AHNAK2: variants seen among roughly 807,000 people sequenced by gnomAD.
The protein encoded by AHNAK2 is protein AHNAK2.
A neutral mutation model predicts 30.7 loss-of-function variants in AHNAK2; 18 were observed. The observed-to-expected ratio is 0.59, with a 90% confidence interval of 0.41 to 0.87. The LOEUF is 0.87. Ranked by LOEUF, AHNAK2 falls within the 40% of genes least tolerant of loss-of-function variation. The probability of loss-of-function intolerance (pLI) is 0.00; values close to 1 mark genes in which losing one functional copy is unlikely to be tolerated. For synonymous variants in AHNAK2, 3,590 were observed against 3,073.8 expected, an observed-to-expected ratio of 1.17 and a Z score of -5.56; for missense variants, 8,604 against 7,373.0, an observed-to-expected ratio of 1.17 and a Z score of -6.11.
Position 104,957,425 on chromosome 14 carries a change from G to A in AHNAK2, c.198C>T (p.Ala66=), listed in dbSNP as rs370402039. Residue 66 remains alanine, a synonymous_variant, in exon 3 of 7, where the codon GCC becomes GCT. Coordinates refer to ENST00000333244, the MANE Select transcript of AHNAK2 (RefSeq NM_138420.4). ...GCAGGCTCACCTGGAGTCCAAAGTC[G>A]GCAGCCTCAGTCGTGTATTCGTAGA... ...SPVYEYTTEA[A]DFGLQEDAPG... The A allele has an allele frequency of 3.3e-5, 53 of 1,587,972 alleles. No homozygotes were observed. Among genetic ancestry groups the A allele is most frequent in the African/African-American group, 4.0e-5 (3 of 74,492 alleles).
At chr14:104,967,355 G>T (rs1899334260) in intron 1 of AHNAK2, among the ~76,000 whole-genome samples, 1 of 152,248 alleles carries the variant, frequency 6.6e-6, no homozygotes, top group Non-Finnish European at 1.5e-5. Flanking sequence ...CTGCTGGGCT[G>T]GGGGTGGGCA....
In AHNAK2 at chr14:104,939,078, G is replaced by T; in HGVS notation, c.16373C>A (p.Pro5458His). The T allele has an allele frequency of 6.2e-7, 1 of 1,604,022 alleles. No homozygotes were observed. Among genetic ancestry groups the T allele is most frequent in the Non-Finnish European group, 8.5e-7 (1 of 1,175,236 alleles). Reference sequence around the variant, plus strand: ...ATGCACTCTGACCTTTGAAATTGGGGGAGCTTCCAAAGGCAGGTTAAGGTC... The same window carrying T: ...ATGCACTCTGACCTTTGAAATTGGGTGAGCTTCCAAAGGCAGGTTAAGGTC... ...PVDLNLPLEA[P>H]PISKVRVHIQ... The change falls in exon 7 of 7, where the codon CCC becomes CAC. Residue 5458 changes from proline (P) to histidine (H), a missense_variant. Transcript: ENST00000333244.
Position 104,944,346 on chromosome 14 carries a change from A to T in AHNAK2, c.11105T>A (p.Met3702Lys). The change falls in exon 7 of 7, where the codon ATG becomes AAG. Residue 3702 changes from methionine to lysine, a missense_variant. Physicochemically the swap from Met to Lys is moderately conservative, Grantham distance 95. Transcript: ENST00000333244. Reference protein sequence around the residue: ...SADLKVQAGQMDVKLPEGQVP... With the variant: ...SADLKVQAGQKDVKLPEGQVP... Reference sequence around the variant, plus strand: ...CTGGCCCTCCGGGAGCTTCACATCCATCTGGCCAGCCTGGACCTTCAGGTC... The same window carrying T: ...CTGGCCCTCCGGGAGCTTCACATCCTTCTGGCCAGCCTGGACCTTCAGGTC... The T allele has an allele frequency of 6.2e-7, 1 of 1,612,326 alleles. No individual in the cohort carries two copies. Among genetic ancestry groups the T allele is most frequent in the South Asian group, 1.1e-5 (1 of 91,002 alleles).
intron 1 of AHNAK2, among the ~76,000 whole-genome samples, chr14:104,976,309 G>A (rs776621779): frequency 2.0e-5 from 3 of 152,306 alleles, no homozygotes; most frequent in South Asian, 2.1e-4. Context: ...CACAAAAGCC[G>A]CCCAGGAGAT....
chr14:104,949,726 C>T lies in AHNAK2; in HGVS notation c.5725G>A (p.Val1909Met). The T allele has an allele frequency of 6.3e-7, 1 of 1,586,546 alleles. No homozygotes were observed. The highest frequency in any genetic ancestry group is 2.2e-5 in the East Asian group (1 of 44,688). ...GGCATCTTGAAACTGGGCATATCCA[C>T]CTTGGGCAAGTGCCCTTTGAGGCCG... Reference protein sequence around the residue: ...GAGLKGHLPKVDMPSFKMPKV... With the variant: ...GAGLKGHLPKMDMPSFKMPKV... Residue 1909 changes from valine (V) to methionine (M), a missense_variant, in exon 7 of 7, where the codon GTG becomes ATG. Physicochemically the swap from Val to Met is conservative, Grantham distance 21. Transcript: ENST00000333244.
Position 104,950,271 on chromosome 14 carries a change from G to T in AHNAK2, c.5180C>A (p.Pro1727Gln), listed in dbSNP as rs769425349. ...VQAGQVNVKL[P>Q]EGPLPEGAGF... Reference sequence around the variant, plus strand: ...GGCTCCCTCGGGAAGGGGGCCCTCCGGGAGTTTCACGTTCACTTGGCCAGC... The same window carrying T: ...GGCTCCCTCGGGAAGGGGGCCCTCCTGGAGTTTCACGTTCACTTGGCCAGC... Residue 1727 changes from proline to glutamine, a missense_variant, in exon 7 of 7, where the codon CCG (proline) becomes CAG (glutamine). Pro to Gln is a moderately conservative substitution (Grantham distance 76). Coordinates refer to ENST00000333244, the MANE Select transcript of AHNAK2 (RefSeq NM_138420.4). The T allele has an allele frequency of 6.3e-7, 1 of 1,584,758 alleles. No individual in the cohort carries two copies. The highest frequency in any genetic ancestry group is 8.6e-7 in the Non-Finnish European group (1 of 1,162,440).
At chr14:104,975,088 GA>G (rs1350723379) in intron 1 of AHNAK2, among the ~76,000 whole-genome samples, 1 of 152,246 alleles carries the variant, frequency 6.6e-6, no homozygotes, top group Non-Finnish European at 1.5e-5. Flanking sequence ...GCCCAGGACA[GA>G]AGAGCTTGGC....
Position 104,942,308 on chromosome 14 carries a change from C to T in AHNAK2, c.13143G>A (p.Leu4381=). 17 of 1,613,212 alleles carry T rather than the reference C, an allele frequency of 1.1e-5. No homozygotes were observed. Among genetic ancestry groups the T allele is most frequent in the East Asian group, 2.2e-5 (1 of 44,764 alleles). The stretch of plus-strand genomic sequence containing the variant: ...TGAAACTGGGCATCTGCAGCTTCGG[C>T]AGGTGCCCTTTGAGGCCGGCTCCCT... The part of the protein sequence containing the change: ...VHEGAGLKGH[L]PKLQMPSFKV... Residue 4381 remains leucine, a synonymous_variant, in exon 7 of 7, where the codon CTG becomes CTA. Transcript: ENST00000333244.
intron 1 of AHNAK2, among the ~76,000 whole-genome samples, chr14:104,962,875 T>C (rs942610465): frequency 1.3e-5 from 2 of 152,148 alleles, no homozygotes; most frequent in African/African-American, 4.8e-5. Flanking sequence ...AAATGAATCA[T>C]AGAGGGGAAT....
Position 104,945,934 on chromosome 14 carries a change from C to T in AHNAK2, c.9517G>A (p.Val3173Met), listed in dbSNP as rs377632715. The T allele has an allele frequency of 2.2e-5, 28 of 1,249,194 alleles. 3 individuals carry two copies. The African/African-American group carries it at 4.0e-4, about 18-fold the overall frequency. The allele number at this position is 1,249,194 out of a possible 1,614,324, so 77.4% of individuals were successfully genotyped here. ...GAGGGGAGGCTCAGGTCGGCCTCCA[C>T]CTTTGGCGCAGACACATCCACCAAG... ...EVLVDVSAPK[V>M]EADLSLPSMQ... The change falls in exon 7 of 7, where the codon GTG (valine) becomes ATG (methionine). Residue 3173 changes from valine to methionine, a missense_variant. Coordinates refer to ENST00000333244, the MANE Select transcript of AHNAK2 (RefSeq NM_138420.4).
intron 1 of AHNAK2, among the ~76,000 whole-genome samples, chr14:104,967,710 A>G (rs1288730788): frequency 2.0e-5 from 3 of 151,388 alleles, no homozygotes; most frequent in Non-Finnish European, 4.4e-5. Flanking sequence ...CGCAGTGGGG[A>G]CCCCTCCAGT....
Position 104,952,478 on chromosome 14 carries a change from C to G in AHNAK2, c.2973G>C (p.Val991=). ...EGDLSLADKD[V]TAKDSKFKMP... Reference sequence around the variant, plus strand: ...TTTTGAACTTGCTGTCTTTGGCAGTCACGTCCTTGTCGGCCAGGGACAGGT... The same window carrying G: ...TTTTGAACTTGCTGTCTTTGGCAGTGACGTCCTTGTCGGCCAGGGACAGGT... Residue 991 remains valine, a synonymous_variant, in exon 7 of 7, where the codon GTG becomes GTC. Coordinates refer to ENST00000333244, the MANE Select transcript of AHNAK2 (RefSeq NM_138420.4). The G allele has an allele frequency of 6.2e-7, 1 of 1,612,712 alleles. No individual in the cohort carries two copies. Among genetic ancestry groups the G allele is most frequent in the South Asian group, 1.1e-5 (1 of 91,024 alleles).
chr14:104,959,516 A>G (rs934798116), intron 1 of AHNAK2, among the ~76,000 whole-genome samples: 8 of 152,174 alleles, frequency 5.3e-5, no homozygotes, highest in African/African-American at 1.9e-4. Flanking sequence ...GCATGCCTAT[A>G]GTCCCAGCTG....
rs1898912755 is a variant in AHNAK2 at position 104,954,592 on chromosome 14, G to A, written c.859C>T (p.Pro287Ser). The part of the protein sequence containing the change: ...RSHSSSEAYE[P>S]RDAHDVSPTS... ...GGGGACACGTCATGTGCGTCCCTAG[G>A]TTCGTAGGCCTCTGACGAGCTGTGT... Residue 287 changes from proline (P) to serine (S), a missense_variant, in exon 7 of 7, where the codon CCT becomes TCT. Pro to Ser is a moderately conservative substitution (Grantham distance 74, BLOSUM62 -1). Transcript: ENST00000333244. This position sits in a 1 kb window ranked among gnomAD's most constrained non-coding sequence, Gnocchi z 4.3. 1.9e-6 allele frequency: 3 copies of A among 1,610,300 alleles called. No individual in the cohort carries two copies. The highest frequency in any genetic ancestry group is 1.1e-5 in the South Asian group (1 of 90,744).
At position 104,978,337 on chromosome 14, in the gene AHNAK2, C is replaced by T. The variant is rs1252057494; in HGVS notation, c.-100G>A. 6.2e-6 allele frequency: 5 copies of T among 807,576 alleles called. No individual in the cohort carries two copies. Among genetic ancestry groups the T allele is most frequent in the Admixed American group, 1.1e-4 (2 of 17,696 alleles). 50.0% of individuals were successfully genotyped at this position (807,576 alleles called of 1,614,324 possible). On this transcript the variant is annotated 5_prime_UTR_variant, in exon 1 of 7. Coordinates refer to ENST00000333244, the MANE Select transcript of AHNAK2 (RefSeq NM_138420.4). Reference sequence around the variant, plus strand: ...GGCGGGCGGGAGCCGCGCTCTGCCCCGCTGCCCTGCGCTGCCGCGGGCGGC... The same window carrying T: ...GGCGGGCGGGAGCCGCGCTCTGCCCTGCTGCCCTGCGCTGCCGCGGGCGGC...
At chr14:104,959,100 T>C (rs1267502135) in intron 1 of AHNAK2, among the ~76,000 whole-genome samples, 1 of 152,176 alleles carries the variant, frequency 6.6e-6, no homozygotes, top group Non-Finnish European at 1.5e-5. Flanking sequence ...TTTGGGAGGC[T>C]GAAGTGCGAG....
At position 104,952,706 on chromosome 14, in the gene AHNAK2, G is replaced by A. The variant is rs752814969; in HGVS notation, c.2745C>T (p.His915=). ...AACTGGGCATCTCCACTTTGGGCAG[G>A]TGCACTTTGGGGCCGGCTCCCTCGG... The part of the protein sequence containing the change: ...PVPEGAGPKV[H]LPKVEMPSFK... Residue 915 remains histidine (H), a synonymous_variant, in exon 7 of 7, where the codon CAC becomes CAT. Coordinates refer to ENST00000333244, the MANE Select transcript of AHNAK2 (RefSeq NM_138420.4). The A allele has an allele frequency of 3.7e-6, 6 of 1,612,924 alleles. No individual in the cohort carries two copies. In the Admixed American group the frequency reaches 1.0e-4, roughly 27 times the overall value.
In AHNAK2 at chr14:104,943,782, T is replaced by C. The variant is rs1301582460; in HGVS notation, c.11669A>G (p.Gln3890Arg). Residue 3890 changes from glutamine (Q) to arginine (R), a missense_variant, in exon 7 of 7, where the codon CAG becomes CGG. Coordinates refer to ENST00000333244, the MANE Select transcript of AHNAK2 (RefSeq NM_138420.4). ...TTTGGGCATCTTGAAACTGGGCATC[T>C]GCACCTTGGGCAGGTGTCCTTTGAG... ...AGLKGHLPKV[Q>R]MPSFKMPKVD... 6.2e-7 allele frequency: 1 copy of C among 1,613,038 alleles called. No individual in the cohort carries two copies. Among genetic ancestry groups the C allele is most frequent in the Admixed American group, 1.7e-5 (1 of 59,946 alleles).
In AHNAK2 at chr14:104,948,120, A is replaced by G; in HGVS notation, c.7331T>C (p.Val2444Ala). 3 of 1,611,662 alleles carry G rather than the reference A, an allele frequency of 1.9e-6. No homozygotes were observed. The highest frequency in any genetic ancestry group is 1.7e-4 in the Middle Eastern group (1 of 6,048). ...ATCCACCTCCACGCTGGGCTGAGAC[A>G]CCTCCACGTCGGGGGCCATCACGTC... The part of the protein sequence containing the change: ...KTDVMAPDVE[V>A]SQPSVEVDVE... The change falls in exon 7 of 7, where the codon GTG becomes GCG. Residue 2444 changes from valine (V) to alanine (A), a missense_variant. Val to Ala is a moderately conservative substitution (Grantham distance 64). Coordinates refer to ENST00000333244, the MANE Select transcript of AHNAK2 (RefSeq NM_138420.4).
Sources: gnomAD v4.1 joint callset for allele counts (sites outside exome capture counted in the v4.1 genomes callset) on GRCh38, gnomAD v4.1.1 for gene constraint, Gnocchi (gnomAD v3.1) non-coding constraint, MANE v1.5 for transcripts, NCBI Gene and HGNC (gene_info 2026-07-23, HGNC 2026-07-21) for gene names.